The following URB1 variants were observed in gnomAD, a reference collection of about 807,000 sequenced individuals.
URB1 encodes the protein URB1 ribosome biogenesis factor.
In URB1, 197 loss-of-function variants were observed where a neutral mutation model predicts 242.3. The ratio of observed to expected loss-of-function variants is 0.81; its 90% CI spans 0.72 to 0.91. URB1 has a LOEUF of 0.91. Ranked by LOEUF, URB1 falls within the 40% of genes least tolerant of loss-of-function variation. The pLI, the probability that URB1 is intolerant of heterozygous loss-of-function variation, is 0.00. For synonymous variants in URB1, 1,153 were observed against 1,201.8 expected (o/e 0.96, Z 0.84); for missense variants, 2,721 against 2,860.5 (o/e 0.95, Z 1.11).
At position 32,361,972 on chromosome 21, in the gene URB1, T is replaced by G. The variant is rs1568825395; in HGVS notation, c.1559A>C (p.Lys520Thr). The part of the protein sequence containing the change: ...TVVWVWQSLK[K>T]QETKQDDKKG... ...CTTGTCATCCTGTTTGGTCTCTTGC[T>G]TTTTAAGTGACTGCCAGACCCACAC... The change falls in exon 12 of 39, where the codon AAG (lysine) becomes ACG (threonine). Residue 520 changes from lysine (K) to threonine (T), a missense_variant. Lys to Thr is a moderately conservative substitution (Grantham distance 78). Coordinates refer to ENST00000382751, the MANE Select transcript of URB1 (RefSeq NM_014825.3). 6.4e-7 allele frequency: 1 copy of G among 1,551,620 alleles called. No homozygotes were observed. Among genetic ancestry groups the G allele is most frequent in the Admixed American group, 2.0e-5 (1 of 51,006 alleles).
rs750109342 is a variant in URB1 at position 32,347,106 on chromosome 21, C to T, written c.3718G>A (p.Glu1240Lys). 1 of 1,550,072 alleles carries T rather than the reference C, an allele frequency of 6.5e-7. No homozygotes were observed. Reference sequence around the variant, plus strand: ...AACCACAGCAAGTGGGTGCAGCTCTCCTGGAGGAGCAGGGCAGCGATGCTG... The same window carrying T: ...AACCACAGCAAGTGGGTGCAGCTCTTCTGGAGGAGCAGGGCAGCGATGCTG... The part of the protein sequence containing the change: ...ALSIAALLLQ[E>K]SCTHLLWFEQ... The change falls in exon 22 of 39, where the codon GAG becomes AAG. Residue 1240 changes from glutamate (E) to lysine (K), a missense_variant. By Grantham distance (56) the Glu-to-Lys change is moderately conservative. Transcript: ENST00000382751.
intron 9 of URB1, 138 bp from the exon 10 acceptor site, chr21:32,366,893 G>T: frequency 1.1e-6 from 1 of 945,066 alleles, no homozygotes; most frequent in Non-Finnish European, 1.5e-6. Context: ...ACAAGGCAGA[G>T]TGGAAGATTA....
intron 36 of URB1, among the ~76,000 whole-genome samples, chr21:32,318,412 G>A (rs996358936): frequency 6.6e-6 from 1 of 152,146 alleles, no homozygotes; most frequent in African/African-American, 2.4e-5. Context: ...CCACACAATT[G>A]TAAACATAAA....
intron 22 of URB1, among the ~76,000 whole-genome samples, chr21:32,346,408 T>C (rs932606363): frequency 6.6e-6 from 1 of 152,178 alleles, no homozygotes; most frequent in Non-Finnish European, 1.5e-5. Flanking sequence ...TCATCAATGA[T>C]AGGAAGTTAT....
At chr21:32,384,896 G>A (rs2033565421) in intron 2 of URB1, among the ~76,000 whole-genome samples, 1 of 152,140 alleles carries the variant, frequency 6.6e-6, no homozygotes. Context: ...CAGGAGAATG[G>A]CATGAACCCA....
Position 32,325,398 on chromosome 21 carries a change from A to T in URB1, c.4961-9T>A, listed in dbSNP as rs2032818641. 2 of 1,546,404 alleles carry T rather than the reference A, an allele frequency of 1.3e-6. No homozygotes were observed. The highest frequency in any genetic ancestry group is 1.4e-5 in the African/African-American group (1 of 73,090). ...ACAATCCACCACAAACTCTGCAGGAAATGAAATACAGCATGAAACACACAC... is the reference window on the plus strand; with the variant it reads ...ACAATCCACCACAAACTCTGCAGGATATGAAATACAGCATGAAACACACAC... On this transcript the variant is annotated splice_polypyrimidine_tract_variant and intron_variant, in intron 30 of 38. Transcript: ENST00000382751.
chr21:32,361,094 C>T lies in URB1; in HGVS notation c.1669G>A (p.Val557Ile), dbSNP rs1464149135. Residue 557 changes from valine to isoleucine, a missense_variant, in exon 13 of 39, where the codon GTT (valine) becomes ATT (isoleucine). Physicochemically the swap from Val to Ile is conservative, Grantham distance 29. Transcript: ENST00000382751. The stretch of plus-strand genomic sequence containing the variant: ...TAGAGGCATATGACCTGGAGCAAAA[C>T]AGCTTTCAAAAGAATGGTTTCTGCA... ...DDAETILLKA[V>I]LLQVICLYQK... 1.9e-6 allele frequency: 3 copies of T among 1,542,672 alleles called. No homozygotes were observed. The highest frequency in any genetic ancestry group is 4.9e-5 in the East Asian group (2 of 40,508).
chr21:32,367,976 C>A (rs1490721216), intron 9 of URB1, among the ~76,000 whole-genome samples: 2 of 152,142 alleles, frequency 1.3e-5, no homozygotes, highest in African/African-American at 4.8e-5. Context: ...TCTAAAATAT[C>A]CCTTTTTATC....
chr21:32,377,268 T>C (rs764562274), intron 5 of URB1: 1 of 517,074 alleles, frequency 1.9e-6, no homozygotes, highest in Non-Finnish European at 3.9e-6. Context: ...TGCTCTGGCA[T>C]GGGGTACTAT....
intron 29 of URB1, among the ~76,000 whole-genome samples, chr21:32,333,744 T>A (rs948557952): frequency 6.6e-6 from 1 of 152,152 alleles, no homozygotes; most frequent in Non-Finnish European, 1.5e-5. Context: ...AGCTTCAAAT[T>A]TTGGAACATT....
intron 1 of URB1, among the ~76,000 whole-genome samples, chr21:32,389,859 T>C (rs899661709): frequency 2.6e-5 from 4 of 152,182 alleles, no homozygotes; most frequent in African/African-American, 9.7e-5. Context: ...ACTGATCCAC[T>C]CTGGAATATC....
Position 32,354,099 on chromosome 21 carries a change from A to C in URB1, c.2250T>G (p.Val750=). 1 of 1,551,706 alleles carries C rather than the reference A, an allele frequency of 6.4e-7. No individual in the cohort carries two copies. Among genetic ancestry groups the C allele is most frequent in the Non-Finnish European group, 8.7e-7 (1 of 1,146,994 alleles). Reference sequence around the variant, plus strand: ...CCACCAGGACATCCACCATGTCGAGAACATCTGAGACAGAAAGAGGAGAAT... The same window carrying C: ...CCACCAGGACATCCACCATGTCGAGCACATCTGAGACAGAAAGAGGAGAAT... The part of the protein sequence containing the change: ...MSIPISHIDD[V]LDMVDVLVEG... Residue 750 remains valine, a synonymous_variant, in exon 18 of 39, where the codon GTT becomes GTG. Coordinates refer to ENST00000382751, the MANE Select transcript of URB1 (RefSeq NM_014825.3).
At chr21:32,364,713 C>G (rs1458294328) in intron 10 of URB1, among the ~76,000 whole-genome samples, 12 of 152,200 alleles carry the variant, frequency 7.9e-5, no homozygotes. Context: ...TTTCCTGTTT[C>G]TAAAATAGGC....
intron 4 of URB1, among the ~76,000 whole-genome samples, chr21:32,379,030 T>C (rs1202336232): frequency 6.6e-6 from 1 of 152,270 alleles, no homozygotes; most frequent in African/African-American, 2.4e-5. Flanking sequence ...AAATAACTTA[T>C]TAGCTCATAC....
chr21:32,368,917 C>G (rs949376034), intron 8 of URB1, among the ~76,000 whole-genome samples: 1 of 152,304 alleles, frequency 6.6e-6, no homozygotes, highest in Non-Finnish European at 1.5e-5. Flanking sequence ...CTCGCTCTAC[C>G]TCAGCCACCT....
intron 30 of URB1, among the ~76,000 whole-genome samples, chr21:32,332,031 C>G (rs2123558347): frequency 6.6e-6 from 1 of 152,312 alleles, no homozygotes; most frequent in African/African-American, 2.4e-5. Context: ...CAGTGAGCAG[C>G]TGGGACCCCC....
chr21:32,327,753 T>G (rs1372688017), intron 30 of URB1, among the ~76,000 whole-genome samples: 2 of 152,234 alleles, frequency 1.3e-5, no homozygotes, highest in African/African-American at 4.8e-5. Flanking sequence ...GGATCTATAC[T>G]GTTACAAGGT....
At chr21:32,349,571 C>A in intron 20 of URB1, 88 bp from the exon 21 acceptor site, 1 of 1,388,388 alleles carries the variant, frequency 7.2e-7, no homozygotes, top group Non-Finnish European at 9.5e-7. Context: ...GTTTTCAGAG[C>A]AGGAGACTCG....
intron 32 of URB1, among the ~76,000 whole-genome samples, chr21:32,323,410 A>G (rs552186795): frequency 6.6e-6 from 1 of 152,302 alleles, no homozygotes; most frequent in South Asian, 2.1e-4. Flanking sequence ...CCAACTTTCT[A>G]TGATTTTTCT....
Sources: gnomAD v4.1 joint callset for allele counts (sites outside exome capture counted in the v4.1 genomes callset) on GRCh38, gnomAD v4.1.1 for gene constraint, MANE v1.5 for transcripts, NCBI Gene and HGNC (gene_info 2026-07-23, HGNC 2026-07-21) for gene names.